LAMA3: variants seen among roughly 807,000 people sequenced by gnomAD.
LAMA3 encodes the protein laminin subunit alpha-3.
Under a neutral mutation model 402.0 loss-of-function variants are expected in LAMA3, and 281 were observed. That is an observed-to-expected ratio of 0.70 (90% CI 0.63 to 0.77). The LOEUF is 0.77. LAMA3 is among the 30% of genes least tolerant of loss of function. The pLI, the probability that LAMA3 is intolerant of heterozygous loss-of-function variation, is 0.00. For missense variants in LAMA3, 3,840 were observed against 4,215.5 expected (o/e 0.91, Z 2.47); for synonymous variants, 1,431 against 1,558.4 (o/e 0.92, Z 1.93).
chr18:23,900,077 G>GTGTT (rs2081018343), intron 47 of LAMA3, among the ~76,000 whole-genome samples: 1 of 151,652 alleles, frequency 6.6e-6, no homozygotes, highest in Non-Finnish European at 1.5e-5. Context: ...GTGCGTGTGT[G>GTGTT]TGTGTGTGTA....
intron 23 of LAMA3, among the ~76,000 whole-genome samples, chr18:23,830,635 T>C (rs930433715): frequency 1.3e-5 from 2 of 152,192 alleles, no homozygotes; most frequent in African/African-American, 4.8e-5. Context: ...ATTTAAAAAT[T>C]AACGACAACC....
intron 46 of LAMA3, 71 bp downstream of exon 46, chr18:23,899,136 C>G: frequency 1.5e-6 from 2 of 1,317,906 alleles, no homozygotes; most frequent in African/African-American, 2.9e-5. Flanking sequence ...TAAAAGAATT[C>G]CCTTTAAGAT....
Position 23,845,067 on chromosome 18 carries a change from C to G in LAMA3, c.3662C>G (p.Ser1221Cys). The G allele has an allele frequency of 6.2e-7, 1 of 1,613,550 alleles. No individual in the cohort carries two copies. Among genetic ancestry groups the G allele is most frequent in the Non-Finnish European group, 8.5e-7 (1 of 1,179,480 alleles). Residue 1221 changes from serine to cysteine, a missense_variant, in exon 30 of 75, where the codon TCC becomes TGC. Physicochemically the swap from Ser to Cys is moderately radical, Grantham distance 112 (BLOSUM62 -1). This residue lies in a region of LAMA3 where 2,109 missense variants were observed against 2,376.0 expected (regional missense o/e 0.89). Coordinates refer to ENST00000313654, the MANE Select transcript of LAMA3 (RefSeq NM_198129.4). ...GACTACCAAATACTTCACAAAAAAT[C>G]CATGGACAAGTCACTCGAGTTTATC... Reference protein sequence around the residue: ...NYDYQILHKKSMDKSLEFITN... With the variant: ...NYDYQILHKKCMDKSLEFITN...
chr18:23,798,732 C>A (rs2062813464), intron 12 of LAMA3, among the ~76,000 whole-genome samples: 1 of 152,178 alleles, frequency 6.6e-6, no homozygotes, highest in South Asian at 2.1e-4. Flanking sequence ...CATCCAAAGC[C>A]CAGTGCCAGA....
At chr18:23,730,559 G>A (rs1013658039) in intron 2 of LAMA3, among the ~76,000 whole-genome samples, 1 of 151,972 alleles carries the variant, frequency 6.6e-6, no homozygotes, top group Admixed American at 6.5e-5. Context: ...TAGAGATGGA[G>A]TTTCACCATG....
intron 7 of LAMA3, among the ~76,000 whole-genome samples, chr18:23,761,675 A>T (rs967927066): frequency 6.6e-6 from 1 of 152,340 alleles, no homozygotes; most frequent in East Asian, 1.9e-4. Flanking sequence ...CTCTTCGTGC[A>T]TGAAGTTTAA....
chr18:23,815,579 T>A lies in LAMA3; in HGVS notation c.2047+6T>A, dbSNP rs1316646874. The A allele has an allele frequency of 6.3e-7, 1 of 1,580,282 alleles. No individual in the cohort carries two copies. The highest frequency in any genetic ancestry group is 2.2e-5 in the East Asian group (1 of 44,726). ...CAATTACTTTGGGTGTCAAGGTAAA[T>A]AAGTCCATTGGGCCCTGAGCAAAGC... On this transcript the variant is annotated splice_donor_region_variant and intron_variant, in intron 17 of 74. Transcript: ENST00000313654.
intron 24 of LAMA3, 91 bp downstream of exon 24, chr18:23,834,079 A>G (rs2063537472): frequency 1.4e-6 from 2 of 1,469,648 alleles, no homozygotes; most frequent in Non-Finnish European, 1.9e-6. Flanking sequence ...TTGGGAGGTT[A>G]TTTTCTTTTT....
At chr18:23,726,099 CA>C (rs2061295514) in intron 2 of LAMA3, among the ~76,000 whole-genome samples, 1 of 152,216 alleles carries the variant, frequency 6.6e-6, no homozygotes, top group Non-Finnish European at 1.5e-5. Context: ...CCACCTCCTA[CA>C]CCAAGTATCC....
chr18:23,720,038 C>T (rs1282255293), intron 2 of LAMA3, among the ~76,000 whole-genome samples: 1 of 152,214 alleles, frequency 6.6e-6, no homozygotes, highest in Admixed American at 6.5e-5. Flanking sequence ...TTGCTTCCAA[C>T]ATCTTGCACA....
intron 55 of LAMA3, 120 bp downstream of exon 55, chr18:23,909,415 C>A (rs1007277331): frequency 7.8e-6 from 7 of 895,190 alleles, no homozygotes; most frequent in Non-Finnish European, 1.3e-5. Flanking sequence ...TTCCCCAATT[C>A]TTGTGTTGCT....
intron 27 of LAMA3, among the ~76,000 whole-genome samples, chr18:23,841,469 T>C (rs1025420835): frequency 6.6e-6 from 1 of 152,070 alleles, no homozygotes; most frequent in African/African-American, 2.4e-5. Context: ...CCAGGAGGAC[T>C]CCCTCTCCCA....
chr18:23,883,311 T>A (rs2064963602), intron 40 of LAMA3, among the ~76,000 whole-genome samples: 1 of 152,192 alleles, frequency 6.6e-6, no homozygotes. Flanking sequence ...AATCCACCAC[T>A]GTGTTTTCAA....
chr18:23,950,031 C>T lies in LAMA3; in HGVS notation c.9514C>T (p.His3172Tyr), dbSNP rs1455238305. The change falls in exon 72 of 75, where the codon CAC (histidine) becomes TAC (tyrosine). Residue 3172 changes from histidine to tyrosine, a missense_variant and splice_region_variant. By Grantham distance (83) the His-to-Tyr change is moderately conservative (BLOSUM62 2). Around this residue, in one of 3 missense-constraint regions of LAMA3, gnomAD observed 840 missense variants for 981.9 expected, o/e 0.86. Coordinates refer to ENST00000313654, the MANE Select transcript of LAMA3 (RefSeq NM_198129.4). ...TTGCTTTGTTTCTCTTTTGAAAGCTCACTCTGTATTGTTGGGGCCAGAATT... is the reference window on the plus strand; with the variant it reads ...TTGCTTTGTTTCTCTTTTGAAAGCTTACTCTGTATTGTTGGGGCCAGAATT... Reference protein sequence around the residue: ...SEEGGHVVLAHSVLLGPEFKL... With the variant: ...SEEGGHVVLAYSVLLGPEFKL... 6.2e-7 allele frequency: 1 copy of T among 1,614,134 alleles called. No homozygotes were observed. Among genetic ancestry groups the T allele is most frequent in the Non-Finnish European group, 8.5e-7 (1 of 1,180,030 alleles).
chr18:23,716,960 AT>A (rs1184252779), intron 2 of LAMA3, among the ~76,000 whole-genome samples: 1 of 152,204 alleles, frequency 6.6e-6, no homozygotes, highest in Non-Finnish European at 1.5e-5. Flanking sequence ...GAGCAGTCGT[AT>A]TTTTTATTTA....
chr18:23,700,791 G>C (rs1402510294), intron 1 of LAMA3, among the ~76,000 whole-genome samples: 1 of 152,008 alleles, frequency 6.6e-6, no homozygotes, highest in African/African-American at 2.4e-5. Context: ...TCTACCTCCT[G>C]GGCTCAGGTG....
chr18:23,928,105 A>T lies in LAMA3; in HGVS notation c.8178-18A>T. The T allele has an allele frequency of 6.5e-7, 1 of 1,547,884 alleles. No homozygotes were observed. Among genetic ancestry groups the T allele is most frequent in the African/African-American group, 1.4e-5 (1 of 73,768 alleles). On this transcript the variant is annotated intron_variant, in intron 62 of 74. Transcript: ENST00000313654. ...CTGACATGATCCATCTCTTCCTTTT[A>T]TCTGTGTTCGTAATCAGATTTAACA...
intron 21 of LAMA3, among the ~76,000 whole-genome samples, chr18:23,824,790 C>T (rs1277140706): frequency 6.6e-6 from 1 of 152,070 alleles, no homozygotes; most frequent in African/African-American, 2.4e-5. Context: ...GCTAGCTTCT[C>T]TTGGACAAAA....
chr18:23,774,100 G>T (rs931053546), intron 9 of LAMA3, among the ~76,000 whole-genome samples: 7 of 152,134 alleles, frequency 4.6e-5, no homozygotes, highest in Non-Finnish European at 1.0e-4. Flanking sequence ...GTGCTCACCC[G>T]TAATCCTAGT....
Sources: allele counts gnomAD v4.1 joint callset (sites outside exome capture counted in the v4.1 genomes callset), GRCh38; gene constraint gnomAD v4.1.1; regional missense constraint gnomAD v4.1.1; transcripts MANE v1.5; gene names NCBI Gene and HGNC (gene_info 2026-07-23, HGNC 2026-07-21).